DPYD: variants seen among roughly 807,000 people sequenced by gnomAD.
DPYD encodes dihydropyrimidine dehydrogenase, also known as dihydropyrimidine dehydrogenase [NADP(+)].
Under a neutral mutation model 116.2 loss-of-function variants are expected in DPYD, and 109 were observed. That is an observed-to-expected ratio of 0.94 (90% confidence interval 0.80 to 1.10). DPYD has a LOEUF of 1.10. Among genes scored for constraint, DPYD ranks in the 50% least tolerant of loss-of-function variants. The probability of loss-of-function intolerance (pLI) is 0.00; values close to 1 mark genes in which losing one functional copy is unlikely to be tolerated. For synonymous variants in DPYD, 440 were observed against 432.0 expected, an observed-to-expected ratio of 1.02 and a Z score of -0.23; for missense variants, 1,302 against 1,254.5, an observed-to-expected ratio of 1.04 and a Z score of -0.57.
chr1:97,540,870 G>A (rs1363314296), intron 12 of DPYD, among the ~76,000 whole-genome samples: 2 of 152,070 alleles, frequency 1.3e-5, no homozygotes, highest in Non-Finnish European at 1.5e-5. Flanking sequence ...TCATCACTTT[G>A]GAGATTCCAA....
intron 18 of DPYD, among the ~76,000 whole-genome samples, chr1:97,298,481 C>T (rs371855652): frequency 1.1e-4 from 16 of 151,262 alleles, no homozygotes; most frequent in African/African-American, 3.7e-4. Context: ...TCTTTACTAA[C>T]ATAGATGAAT....
intron 21 of DPYD, among the ~76,000 whole-genome samples, chr1:97,092,824 C>G (rs2056047): frequency 0.17 from 24,525 of 142,870 alleles, 2,385 homozygotes; most frequent in East Asian, 0.47. Context: ...CATAAAAAAG[C>G]TGGACATCTT....
At chr1:97,501,205 T>C (rs1430567879) in intron 13 of DPYD, among the ~76,000 whole-genome samples, 1 of 152,094 alleles carries the variant, frequency 6.6e-6, no homozygotes, top group Non-Finnish European at 1.5e-5. Flanking sequence ...AAACTTGTCT[T>C]TTATTTAATA....
intron 7 of DPYD, among the ~76,000 whole-genome samples, chr1:97,681,194 C>T (rs1660410450): frequency 6.6e-6 from 1 of 152,092 alleles, no homozygotes; most frequent in South Asian, 2.1e-4. Flanking sequence ...ACCTTTATTG[C>T]AGTCAAATAC....
intron 3 of DPYD, among the ~76,000 whole-genome samples, chr1:97,769,585 A>T (rs1170722027): frequency 6.6e-6 from 1 of 152,206 alleles, no homozygotes; most frequent in African/African-American, 2.4e-5. Context: ...CTAGCCCTCA[A>T]AATATTTGGT....
chr1:97,352,055 T>C (rs1404899190), intron 16 of DPYD, among the ~76,000 whole-genome samples: 4 of 152,158 alleles, frequency 2.6e-5, no homozygotes, highest in Non-Finnish European at 5.9e-5. Flanking sequence ...CATTCTTTGG[T>C]ATTCACTGCC....
chr1:97,123,220 T>C (rs770112609), intron 20 of DPYD, among the ~76,000 whole-genome samples: 2 of 152,164 alleles, frequency 1.3e-5, no homozygotes, highest in African/African-American at 2.4e-5. Context: ...TATCTTTACA[T>C]AGAAGAAACA....
intron 19 of DPYD, among the ~76,000 whole-genome samples, chr1:97,195,149 A>T (rs1658658413): frequency 6.6e-6 from 1 of 152,132 alleles, no homozygotes; most frequent in Non-Finnish European, 1.5e-5. Flanking sequence ...TGAATTCAAC[A>T]TACTTCCCAA....
intron 12 of DPYD, among the ~76,000 whole-genome samples, chr1:97,538,832 G>A (rs1650209063): frequency 6.6e-6 from 1 of 152,192 alleles, no homozygotes; most frequent in African/African-American, 2.4e-5. Flanking sequence ...TTGTGTGTGT[G>A]TCTTGTGTAT....
At chr1:97,595,273 G>C (rs1260695230) in intron 8 of DPYD, 107 bp from the exon 9 acceptor site, 5 of 809,092 alleles carry the variant, frequency 6.2e-6, no homozygotes, top group Non-Finnish European at 8.1e-6. Context: ...GTCATTCTTA[G>C]AGGAAAACAT....
At chr1:97,894,483 G>C (rs1158606292) in intron 1 of DPYD, among the ~76,000 whole-genome samples, 1 of 151,702 alleles carries the variant, frequency 6.6e-6, no homozygotes, top group Non-Finnish European at 1.5e-5. Flanking sequence ...TAGCCTAAGA[G>C]TTCAAATGGT....
intron 13 of DPYD, among the ~76,000 whole-genome samples, chr1:97,485,878 C>T (rs1678604870): frequency 6.6e-6 from 1 of 152,050 alleles, no homozygotes; most frequent in African/African-American, 2.4e-5. Flanking sequence ...GTTCAATCTC[C>T]TGATATGTTT....
intron 11 of DPYD, among the ~76,000 whole-genome samples, chr1:97,561,500 A>C (rs1652139677): frequency 6.6e-6 from 1 of 152,186 alleles, no homozygotes; most frequent in South Asian, 2.1e-4. Context: ...CTGCAGTGGT[A>C]CTGTCAATAT....
chr1:97,646,659 T>G (rs900681258), intron 8 of DPYD, among the ~76,000 whole-genome samples: 1 of 152,134 alleles, frequency 6.6e-6, no homozygotes, highest in African/African-American at 2.4e-5. Flanking sequence ...TTGCCTCTTT[T>G]CCATAAATTT....
intron 14 of DPYD, among the ~76,000 whole-genome samples, chr1:97,445,332 C>T (rs775884438): frequency 6.6e-6 from 1 of 152,234 alleles, no homozygotes; most frequent in Non-Finnish European, 1.5e-5. Flanking sequence ...AACTGTAATA[C>T]ATTCAAATGT....
intron 13 of DPYD, among the ~76,000 whole-genome samples, chr1:97,467,190 G>T (rs1231781223): frequency 6.6e-6 from 1 of 152,168 alleles, no homozygotes; most frequent in Non-Finnish European, 1.5e-5. Context: ...GAATGGATCT[G>T]CCTGCAAGCA....
intron 18 of DPYD, among the ~76,000 whole-genome samples, chr1:97,293,838 C>T (rs1047645354): frequency 1.9e-4 from 29 of 151,546 alleles, no homozygotes; most frequent in East Asian, 2.0e-4. Context: ...ATCCCAGCTA[C>T]TCGGGAAGCT....
At chr1:97,615,176 T>C (rs946050403) in intron 8 of DPYD, among the ~76,000 whole-genome samples, 7 of 152,240 alleles carry the variant, frequency 4.6e-5, no homozygotes, top group Non-Finnish European at 8.8e-5. Flanking sequence ...TATATCCAGT[T>C]GTCCAACTGC....
chr1:97,421,715 T>C (rs1477251132), intron 14 of DPYD, among the ~76,000 whole-genome samples: 1 of 152,172 alleles, frequency 6.6e-6, no homozygotes, highest in Admixed American at 6.6e-5. Flanking sequence ...GGGATATTAC[T>C]GCAACTCCTC....
Sources: gnomAD v4.1 joint callset for allele counts (sites outside exome capture counted in the v4.1 genomes callset) on GRCh38, gnomAD v4.1.1 for gene constraint, MANE v1.5 for transcripts, NCBI Gene and HGNC (gene_info 2026-07-23, HGNC 2026-07-21) for gene names.